Variants in SNRPN observed in about 807,000 individuals in gnomAD.
SNRPN encodes the protein small nuclear ribonucleoprotein polypeptide N.
A neutral mutation model predicts 25.2 loss-of-function variants in SNRPN; 7 were observed. That is an observed-to-expected ratio of 0.28 (90% CI 0.16 to 0.52). The LOEUF is 0.52. SNRPN is among the 20% of genes least tolerant of loss of function. The pLI, the probability that SNRPN is intolerant of heterozygous loss-of-function variation, is 0.96. For missense variants in SNRPN, 196 were observed against 322.5 expected (o/e 0.61, Z 3.00); for synonymous variants, 124 against 110.6 (o/e 1.12, Z -0.76).
At chr15:24,942,542 ATGT>A (rs1270035541) in intron 3 of SNRPN, 2 of 152,158 alleles carry the variant, frequency 1.3e-5, no homozygotes, top group Non-Finnish European at 2.9e-5. Flanking sequence ...GTCAGAAGCG[ATGT>A]TGTTTGGAAT....
intron 3 of SNRPN, among the ~76,000 whole-genome samples, chr15:24,947,780 T>C (rs947520261): frequency 2.2e-4 from 33 of 152,324 alleles, no homozygotes; most frequent in African/African-American, 7.7e-4. Context: ...GGTTGGACTT[T>C]ATTTATACTT....
intron 2 of SNRPN, among the ~76,000 whole-genome samples, chr15:24,892,558 G>A (rs1278151163): frequency 2.0e-5 from 3 of 152,200 alleles, no homozygotes; most frequent in African/African-American, 4.8e-5. Context: ...CCAACATGGT[G>A]AAACCCTATC....
chr15:24,944,066 T>C (rs191982), intron 3 of SNRPN, among the ~76,000 whole-genome samples: 77,333 of 152,000 alleles, frequency 0.51, 21,590 homozygotes, highest in African/African-American at 0.75. Context: ...AAGTGATCTA[T>C]CTGCCTCAGC....
At chr15:24,968,743 CTT>C (rs979910958) in intron 3 of SNRPN, 1 of 152,008 alleles carries the variant, frequency 6.6e-6, no homozygotes, top group African/African-American at 2.4e-5. Context: ...TTTGTTTTGT[CTT>C]TTTCTCACTT....
chr15:24,911,089 C>T (rs2059187092), intron 2 of SNRPN: 1 of 1,463,366 alleles, frequency 6.8e-7, no homozygotes, highest in Non-Finnish European at 9.2e-7. Flanking sequence ...TTCTCCTCTT[C>T]TGGAGAGGGA....
At position 24,834,948 on chromosome 15, in the gene SNRPN, ATATATATAG is replaced by A. The variant is rs1305034725; in HGVS notation, c.-579+5061_-579+5069del. Among the ~76,000 whole-genome samples, 3 of 69,606 alleles carry A rather than the reference ATATATATAG, an allele frequency of 4.3e-5. 1 individual carries two copies. Among genetic ancestry groups the A allele is most frequent in the African/African-American group, 1.3e-4 (3 of 22,426 alleles). The allele number at this position is 69,606 out of a possible 152,430, so 45.7% of individuals were successfully genotyped here. On this transcript the variant is annotated intron_variant, in intron 2 of 12. Coordinates refer to the SNRPN transcript ENST00000400100. ...GAAAAAAAAAAAAGAAATGCATATAATATATATAGTATATATAGTATATATATCTATATA... is the reference window on the plus strand; with the variant it reads ...GAAAAAAAAAAAAGAAATGCATATAATATATATAGTATATATATCTATATA...
chr15:24,932,658 T>C (rs2060951709), intron 3 of SNRPN, among the ~76,000 whole-genome samples: 1 of 151,632 alleles, frequency 6.6e-6, no homozygotes, highest in East Asian at 1.9e-4. Context: ...GTTTTTTTTT[T>C]TTTCCTTTGA....
chr15:24,925,025 C>T (rs1177244301), intron 3 of SNRPN, among the ~76,000 whole-genome samples: 1 of 152,108 alleles, frequency 6.6e-6, no homozygotes, highest in Admixed American at 6.6e-5. Context: ...ATTCTATTAG[C>T]TAGTATAAAC....
intron 3 of SNRPN, among the ~76,000 whole-genome samples, chr15:24,973,844 G>A (rs1242988885): frequency 1.3e-5 from 2 of 152,186 alleles, no homozygotes; most frequent in Non-Finnish European, 2.9e-5. Flanking sequence ...GGCTCTTAGT[G>A]GGGAAAGATT....
chr15:24,927,003 C>G (rs2647365), intron 3 of SNRPN, among the ~76,000 whole-genome samples: 3,479 of 152,022 alleles, frequency 0.023, 64 homozygotes, highest in Middle Eastern at 0.071. Flanking sequence ...AGAGTGAGAC[C>G]CTGTTGCTTA....
At position 24,885,984 on chromosome 15, in the gene SNRPN, T is replaced by A. The variant is rs372665921; in HGVS notation, c.-578-532T>A. Among the ~76,000 whole-genome samples, 3 of 152,302 alleles carry A rather than the reference T, an allele frequency of 2.0e-5. No homozygotes were observed. The East Asian group carries it at 5.8e-4, about 29-fold the overall frequency. On this transcript the variant is annotated intron_variant, in intron 1 of 11. Transcript: ENST00000400097. ...CCGTCTGGTTTCTGTTTCTGCATTC[T>A]CAGTACATAGCCTCACTTCTCTTTC...
chr15:24,831,777 C>T (rs1417722676), intron 2 of SNRPN, among the ~76,000 whole-genome samples: 1 of 152,052 alleles, frequency 6.6e-6, no homozygotes, highest in Non-Finnish European at 1.5e-5. Flanking sequence ...CATGCAGATA[C>T]ATTCATTCTG....
At chr15:24,919,416 G>C (rs866150251) in intron 2 of SNRPN, among the ~76,000 whole-genome samples, 5 of 141,194 alleles carry the variant, frequency 3.5e-5, no homozygotes, top group Non-Finnish European at 7.7e-5. Flanking sequence ...GGGCGACAGA[G>C]CGAGACTCTG....
intron 3 of SNRPN, among the ~76,000 whole-genome samples, chr15:24,944,973 C>G (rs1641905492): frequency 6.6e-6 from 1 of 152,168 alleles, no homozygotes; most frequent in African/African-American, 2.4e-5. Context: ...AAGAAGGTAT[C>G]TGCTTTACTC....
upstream of SNRPN, among the ~76,000 whole-genome samples, chr15:24,950,042 G>C (rs752601658): frequency 1.9e-4 from 29 of 151,992 alleles, no homozygotes; most frequent in Non-Finnish European, 3.8e-4. Context: ...GGGAGATCTT[G>C]GACTCCTGAG....
At chr15:24,836,637 T>C (rs942629498) in intron 2 of SNRPN, among the ~76,000 whole-genome samples, 2 of 152,068 alleles carry the variant, frequency 1.3e-5, no homozygotes, top group East Asian at 1.9e-4. Flanking sequence ...GGTCTCAAAC[T>C]CCTGATCTCA....
chr15:24,843,758 G>A (rs1433566177), intron 2 of SNRPN, among the ~76,000 whole-genome samples: 1 of 150,802 alleles, frequency 6.6e-6, no homozygotes, highest in Non-Finnish European at 1.5e-5. Flanking sequence ...CTGCACTCCA[G>A]CCTGGATGAC....
intron 2 of SNRPN, among the ~76,000 whole-genome samples, chr15:24,918,892 A>ATATATATGTGCACAT (rs1491195074): frequency 1.2e-5 from 1 of 80,408 alleles, no homozygotes; most frequent in Non-Finnish European, 2.4e-5. Flanking sequence ...TATATAACAT[A>ATATATATGTGCACAT]ATATATATAT....
intron 2 of SNRPN, among the ~76,000 whole-genome samples, chr15:24,845,654 T>A (rs1430112677): frequency 1.3e-5 from 2 of 152,066 alleles, no homozygotes; most frequent in African/African-American, 4.8e-5. Flanking sequence ...CCCAATATTG[T>A]CCCTTTTCTT....
Sources: gnomAD v4.1 joint callset for allele counts (sites outside exome capture counted in the v4.1 genomes callset) on GRCh38, gnomAD v4.1.1 for gene constraint, MANE v1.5 for transcripts, NCBI Gene and HGNC (gene_info 2026-07-23, HGNC 2026-07-21) for gene names.